WBP11: variants seen among roughly 807,000 people sequenced by gnomAD.
The protein encoded by WBP11 is WW domain-binding protein 11.
WBP11 carries 12 observed loss-of-function variants against 66.7 expected under a neutral mutation model. The ratio of observed to expected loss-of-function variants is 0.18; its 90% CI spans 0.12 to 0.29. The LOEUF (loss-of-function observed/expected upper bound fraction) is 0.29, where lower values mean the gene tolerates loss of function less well. Among genes scored for constraint, WBP11 ranks in the 10% least tolerant of loss-of-function variants. The probability of loss-of-function intolerance (pLI) is 1.00; values close to 1 mark genes in which losing one functional copy is unlikely to be tolerated. For synonymous variants in WBP11, 255 were observed against 273.8 expected (o/e 0.93, Z 0.68); for missense variants, 555 against 818.3 (o/e 0.68, Z 3.93).
At chr12:14,794,880 G>A in intron 6 of WBP11, 91 bp downstream of exon 6, 2 of 1,600,684 alleles carry the variant, frequency 1.2e-6, no homozygotes, top group Non-Finnish European at 1.7e-6. Flanking sequence ...CATCCATATT[G>A]TCTTTTATTT....
At chr12:14,789,916 A>G (rs974359600) in intron 10 of WBP11, among the ~76,000 whole-genome samples, 1 of 152,236 alleles carries the variant, frequency 6.6e-6, no homozygotes, top group Admixed American at 6.5e-5. Flanking sequence ...ATGAAGGACT[A>G]AAATCACAAA....
intron 9 of WBP11, 149 bp from the exon 10 acceptor site, chr12:14,790,898 G>T: frequency 1.2e-6 from 1 of 839,358 alleles, no homozygotes; most frequent in Non-Finnish European, 1.8e-6. Flanking sequence ...AGATGTGAAA[G>T]AAATAACATT....
intron 10 of WBP11, among the ~76,000 whole-genome samples, chr12:14,789,871 C>T (rs977876015): frequency 1.7e-4 from 26 of 152,150 alleles, no homozygotes; most frequent in Admixed American, 1.6e-3. Flanking sequence ...AAATGATTAG[C>T]TCAACTGAAG....
At chr12:14,798,050 T>C (rs1052236143) in intron 4 of WBP11, among the ~76,000 whole-genome samples, 1 of 152,192 alleles carries the variant, frequency 6.6e-6, no homozygotes, top group Non-Finnish European at 1.5e-5. Flanking sequence ...GTTTTATAAA[T>C]TGTAACTAGA....
chr12:14,795,635 G>C (rs1007160716), intron 5 of WBP11, among the ~76,000 whole-genome samples: 5 of 152,084 alleles, frequency 3.3e-5, no homozygotes, highest in Non-Finnish European at 7.4e-5. Context: ...GAGGCTGAGG[G>C]AGGAGAATTG....
rs774852965 is a variant in WBP11, at chr12:14,787,353, C to T, written c.1638G>A (p.Ala546=). 20 of 1,609,312 alleles carry T rather than the reference C, an allele frequency of 1.2e-5. No individual in the cohort carries two copies. The highest frequency in any genetic ancestry group is 1.6e-4 in the Middle Eastern group (1 of 6,066). ...APPNLIQRPK[A]DDTSAATIEK... is the part of the protein sequence containing the mutation. ...CAATGGTGGCTGCACTTGTATCATC[C>T]GCCTTGGGTCGCTGAATCAAGTTGG... The change falls in exon 12 of 12, where the codon GCG becomes GCA. Residue 546 remains alanine, a synonymous_variant. Coordinates refer to ENST00000261167, the MANE Select transcript of WBP11 (RefSeq NM_016312.3).
chr12:14,791,237 T>C lies in WBP11; in HGVS notation c.947A>G (p.Lys316Arg). 3.7e-6 allele frequency: 6 copies of C among 1,614,118 alleles called. No homozygotes were observed. Among genetic ancestry groups the C allele is most frequent in the Non-Finnish European group, 5.1e-6 (6 of 1,180,006 alleles). Residue 316 changes from lysine to arginine, a missense_variant, in exon 9 of 12, where the codon AAA becomes AGA. Lys to Arg is a conservative substitution (Grantham distance 26). Transcript: ENST00000261167. ...CATGTTCTTCTTTTTCTTCCTTGAT[T>C]TTCCAGGCATATCTGCAAACCGTAC... Reference protein sequence around the residue: ...LSVRFADMPGKSRKKKKNMKE... With the variant: ...LSVRFADMPGRSRKKKKNMKE...
At chr12:14,792,501 G>A (rs1949831900) in intron 8 of WBP11, among the ~76,000 whole-genome samples, 1 of 131,338 alleles carries the variant, frequency 7.6e-6, no homozygotes, top group Non-Finnish European at 1.8e-5. Context: ...TCAGAGTTGG[G>A]ACGGCCATTT....
Position 14,794,743 on chromosome 12 carries a change from A to T in WBP11, c.522-7T>A. 2.3e-6 allele frequency: 3 copies of T among 1,293,224 alleles called. No individual in the cohort carries two copies. The highest frequency in any genetic ancestry group is 2.0e-6 in the Non-Finnish European group (2 of 993,520). The allele number at this position is 1,293,224 out of a possible 1,614,324, so 80.1% of individuals were successfully genotyped here. A position where few individuals can be genotyped will look rare whatever the true frequency, so the allele number is the denominator to read the frequency against. Reference sequence around the variant, plus strand: ...AACTGCCCGAGTTGGAGGTCTGTTAAAAAAAAAAACAAAAACAAAAAAACC... The same window carrying T: ...AACTGCCCGAGTTGGAGGTCTGTTATAAAAAAAAACAAAAACAAAAAAACC... On this transcript the variant is annotated splice_region_variant and splice_polypyrimidine_tract_variant and intron_variant, in intron 6 of 11. Coordinates refer to ENST00000261167, the MANE Select transcript of WBP11 (RefSeq NM_016312.3).
chr12:14,796,661 G>T lies in WBP11; in HGVS notation c.387+146C>A. 1.5e-6 allele frequency: 1 copy of T among 679,160 alleles called. No homozygotes were observed. Among genetic ancestry groups the T allele is most frequent in the Non-Finnish European group, 2.2e-6 (1 of 446,528 alleles). The allele number at this position is 679,160 out of a possible 1,614,324, so 42.1% of individuals were successfully genotyped here. A position where few individuals can be genotyped will look rare whatever the true frequency, so the allele number is the denominator to read the frequency against. ...CTAGGGTTCCATCCCCAAAATATAT[G>T]CAAATATACACAAAAACAAAACAAA... On this transcript the variant is annotated intron_variant, in intron 5 of 11. Transcript: ENST00000261167. The surrounding 1 kb of genome is among the most constrained non-coding windows in gnomAD (Gnocchi z 4.5).
At position 14,793,715 on chromosome 12, in the gene WBP11, C is replaced by A. The variant is rs910721261; in HGVS notation, c.913+16G>T. Reference sequence around the variant, plus strand: ...TCTTTATTGATCAATACCATGAATCCTTCATCTGCACATACCTGACTTCTT... The same window carrying A: ...TCTTTATTGATCAATACCATGAATCATTCATCTGCACATACCTGACTTCTT... On this transcript the variant is annotated intron_variant, in intron 8 of 11. Transcript: ENST00000261167. 6.2e-7 allele frequency: 1 copy of A among 1,611,022 alleles called. No homozygotes were observed. Among genetic ancestry groups the A allele is most frequent in the African/African-American group, 1.3e-5 (1 of 74,810 alleles).
chr12:14,788,849 A>T lies in WBP11; in HGVS notation c.1492+102T>A, dbSNP rs2137228767. 3 of 637,702 alleles carry T rather than the reference A, an allele frequency of 4.7e-6. No homozygotes were observed. The East Asian group carries it at 1.0e-4, about 22-fold the overall frequency. The allele number at this position is 637,702 out of a possible 1,614,324, so 39.5% of individuals were successfully genotyped here. ...AACTTAAAAACCACCACTGACTGTA[A>T]GATGACCTCAGATTTCAGAATACTG... is the stretch of plus-strand genomic sequence containing the variant. On this transcript the variant is annotated intron_variant, in intron 11 of 11. Transcript: ENST00000261167.
intron 10 of WBP11, 114 bp downstream of exon 10, chr12:14,790,342 A>C: frequency 7.4e-7 from 1 of 1,349,854 alleles, no homozygotes; most frequent in Admixed American, 2.2e-5. Context: ...ACATCTTAAG[A>C]GAATCCAATT....
chr12:14,801,201 A>G (rs1443468665), intron 2 of WBP11, 119 bp downstream of exon 2: 6 of 967,144 alleles, frequency 6.2e-6, no homozygotes, highest in Non-Finnish European at 8.0e-6. Context: ...CCCTGAATAT[A>G]TAATTTATTC....
Position 14,788,010 on chromosome 12 carries a change from G to A in WBP11, c.1493-512C>T, listed in dbSNP as rs529601086. Among the ~76,000 whole-genome samples, 3 of 152,314 alleles carry A rather than the reference G, an allele frequency of 2.0e-5. No individual in the cohort carries two copies. The South Asian group carries it at 6.2e-4, about 32-fold the overall frequency. ...CCAGCACTTTGGGAGGCTGAGGCGGGTGGATCATTTGAGGTCAGGAGCTCG... is the reference window on the plus strand; with the variant it reads ...CCAGCACTTTGGGAGGCTGAGGCGGATGGATCATTTGAGGTCAGGAGCTCG... On this transcript the variant is annotated intron_variant, in intron 11 of 11. Transcript: ENST00000261167.
In WBP11 at chr12:14,790,468, CAGG is replaced by C; in HGVS notation, c.1294_1296del (p.Pro432del). On this transcript the variant is annotated inframe_deletion, in exon 10 of 12. Coordinates refer to ENST00000261167, the MANE Select transcript of WBP11 (RefSeq NM_016312.3). The stretch of plus-strand genomic sequence containing the variant: ...TGTAAGTGTTTACCTGGAGGTGGAC[CAGG>C]AGGAAGGCCTGTAGGTGGCCCAGGA... The C allele has an allele frequency of 6.2e-7, 1 of 1,613,642 alleles. No individual in the cohort carries two copies. Among genetic ancestry groups the C allele is most frequent in the Non-Finnish European group, 8.5e-7 (1 of 1,179,688 alleles).
At position 14,786,842 on chromosome 12, in the gene WBP11, A is replaced by G. The variant is rs1204592774; in HGVS notation, c.*223T>C. ...GGTGAAAATGGTGGTATGAAAGGGA[A>G]TGGATGTTAGCAGCACTGCTTCAAT... On this transcript the variant is annotated 3_prime_UTR_variant, in exon 12 of 12. Coordinates refer to ENST00000261167, the MANE Select transcript of WBP11 (RefSeq NM_016312.3). The G allele has an allele frequency of 8.8e-6, 4 of 455,586 alleles. No homozygotes were observed. The highest frequency in any genetic ancestry group is 1.6e-5 in the Non-Finnish European group (4 of 256,504). 28.2% of individuals were successfully genotyped at this position (455,586 alleles called of 1,614,324 possible). A position where few individuals can be genotyped will look rare whatever the true frequency, so the allele number is the denominator to read the frequency against.
At chr12:14,791,834 A>C (rs1222033558) in intron 8 of WBP11, among the ~76,000 whole-genome samples, 1 of 152,238 alleles carries the variant, frequency 6.6e-6, no homozygotes, top group Non-Finnish European at 1.5e-5. Flanking sequence ...AATGGCCTTT[A>C]CAGCAACTTG....
At chr12:14,793,609 C>T in intron 8 of WBP11, 122 bp downstream of exon 8, 1 of 1,197,940 alleles carries the variant, frequency 8.3e-7, no homozygotes, top group Non-Finnish European at 1.2e-6. Flanking sequence ...ATAAGATGAA[C>T]ACAGCTATGA....
Sources: allele counts gnomAD v4.1 joint callset (sites outside exome capture counted in the v4.1 genomes callset), GRCh38; gene constraint gnomAD v4.1.1; non-coding constraint Gnocchi (gnomAD v3.1); transcripts MANE v1.5; gene names NCBI Gene and HGNC (gene_info 2026-07-23, HGNC 2026-07-21).